Variants in THOC1 observed in about 807,000 individuals in gnomAD.
THOC1 encodes the protein THO complex 1.
THOC1 carries 29 observed loss-of-function variants against 97.3 expected under a neutral mutation model. The observed-to-expected ratio is 0.30, with a 90% CI of 0.22 to 0.41. The LOEUF is 0.41. THOC1 is among the 10% of genes least tolerant of loss of function. The pLI is 1.00. For synonymous variants in THOC1, 255 were observed against 257.0 expected (o/e 0.99, Z 0.07); for missense variants, 529 against 761.9 (o/e 0.69, Z 3.60).
At position 259,616 on chromosome 18, in the gene THOC1, C is replaced by T. The variant is rs1912541485; in HGVS notation, c.424+66G>A. ...AAAATGTTATCACTGGTATTTAATT[C>T]AACCATGTGTTTTTCTGGGCATATT... On this transcript the variant is annotated intron_variant, in intron 6 of 20. Transcript: ENST00000261600. The T allele has an allele frequency of 1.1e-5, 13 of 1,184,590 alleles. 1 individual carries two copies. In the South Asian group the frequency reaches 1.9e-4, roughly 17 times the overall value. 73.4% of individuals were successfully genotyped at this position (1,184,590 alleles called of 1,614,324 possible).
intron 19 of THOC1, 88 bp downstream of exon 19, chr18:216,398 A>G: frequency 1.4e-6 from 2 of 1,429,986 alleles, no homozygotes; most frequent in Non-Finnish European, 1.9e-6. Flanking sequence ...TTTTCACATG[A>G]TTAAGTCAGT....
chr18:225,811 A>G (rs1173566049), intron 12 of THOC1: 2 of 156,878 alleles, frequency 1.3e-5, no homozygotes, highest in Admixed American at 1.3e-4. Context: ...AAACCCTAGA[A>G]AAGGCAACAG....
chr18:251,162 T>C (rs975149455), intron 9 of THOC1, among the ~76,000 whole-genome samples: 2 of 152,182 alleles, frequency 1.3e-5, no homozygotes, highest in Admixed American at 1.3e-4. Context: ...TAGGTGGCAT[T>C]ACTACATTTT....
In THOC1 at chr18:264,342, A is replaced by C. The variant is rs148282763; in HGVS notation, c.190-250T>G. ...ATCCAATGGTCTCAAGAAAATGGTT[A>C]TATTAGCAAGATGAAGGCTATAAGC... On this transcript the variant is annotated intron_variant, in intron 3 of 20. Transcript: ENST00000261600. 0.015 allele frequency among the ~76,000 whole-genome samples: 2,220 copies of C among 152,376 alleles called. 20 individuals are homozygous for C. Among genetic ancestry groups the C allele is most frequent in the South Asian group, 0.021 (101 of 4,828 alleles).
intron 9 of THOC1, among the ~76,000 whole-genome samples, chr18:251,110 T>C (rs750631362): frequency 6.6e-6 from 1 of 152,250 alleles, no homozygotes; most frequent in Non-Finnish European, 1.5e-5. Flanking sequence ...TAATAGACTA[T>C]TTCTGATCAT....
intron 4 of THOC1, chr18:260,969 G>A (rs543584571): frequency 9.2e-4 from 140 of 152,200 alleles, no homozygotes; most frequent in African/African-American, 3.3e-3. Context: ...AAAAGTAGAG[G>A]AATTAAGAGT....
At chr18:227,211 A>G (rs1911320320) in intron 11 of THOC1, among the ~76,000 whole-genome samples, 1 of 152,192 alleles carries the variant, frequency 6.6e-6, no homozygotes, top group Non-Finnish European at 1.5e-5. Flanking sequence ...GCATGGTGGC[A>G]CAAAGCCTAT....
chr18:264,820 A>G (rs1912712886), intron 3 of THOC1: 1 of 152,950 alleles, frequency 6.5e-6, no homozygotes, highest in African/African-American at 2.4e-5. Flanking sequence ...GTGCCCCATT[A>G]TTGGTAAACA....
rs753991890 is a variant in THOC1 at position 214,790 on chromosome 18, A to C, written c.1810T>G (p.Cys604Gly). ...MKDSEIRQIE[C>G]DSEDMKMRAK... ...CTCATCTTCATGTCTTCACTGTCACACTCAATCTGCCTAATTTCTGAGTCT... is the reference window on the plus strand; with the variant it reads ...CTCATCTTCATGTCTTCACTGTCACCCTCAATCTGCCTAATTTCTGAGTCT... The change falls in exon 21 of 21, where the codon TGT becomes GGT. Residue 604 changes from cysteine (C) to glycine (G), a missense_variant. By Grantham distance (159) the Cys-to-Gly change is radical. Around this residue, in one of 8 missense-constraint regions of THOC1, gnomAD observed 98 missense variants for 111.9 expected, o/e 0.88. Transcript: ENST00000261600. The C allele has an allele frequency of 6.2e-7, 1 of 1,613,834 alleles. No homozygotes were observed. Among genetic ancestry groups the C allele is most frequent in the Non-Finnish European group, 8.5e-7 (1 of 1,179,858 alleles).
At chr18:256,796 A>G (rs538536055) in intron 7 of THOC1, among the ~76,000 whole-genome samples, 3 of 152,212 alleles carry the variant, frequency 2.0e-5, no homozygotes, top group Admixed American at 2.0e-4. Flanking sequence ...AGATGCTACC[A>G]AACAGCATCA....
rs550451671 is a variant in THOC1, at chr18:215,624, C to G, written c.1603-120G>C. 3.2e-5 allele frequency: 23 copies of G among 713,356 alleles called. No homozygotes were observed. The African/African-American group carries it at 4.1e-4, about 13-fold the overall frequency. The allele number at this position is 713,356 out of a possible 1,614,324, so 44.2% of individuals were successfully genotyped here. On this transcript the variant is annotated intron_variant, in intron 19 of 20. Coordinates refer to ENST00000261600, the MANE Select transcript of THOC1 (RefSeq NM_005131.3). ...AGTACAGGGTGCCAGAACCTCACCC[C>G]TGAGAGCGTTAAATGACAGTGTCAG... is the stretch of plus-strand genomic sequence containing the variant.
intron 16 of THOC1, 73 bp downstream of exon 16, chr18:224,011 A>T: frequency 9.2e-7 from 1 of 1,083,756 alleles, no homozygotes; most frequent in Non-Finnish European, 1.4e-6. Flanking sequence ...TTTTGGATGG[A>T]GAGTTCTTAA....
chr18:214,726 C>A lies in THOC1; in HGVS notation c.1874G>T (p.Gly625Val). 1 of 1,613,902 alleles carries A rather than the reference C, an allele frequency of 6.2e-7. No individual in the cohort carries two copies. Among genetic ancestry groups the A allele is most frequent in the Non-Finnish European group, 8.5e-7 (1 of 1,179,832 alleles). The part of the protein sequence containing the change: ...QLLVAWQDQE[G>V]VHATPENLIN... ...CAGATTCTCAGGTGTTGCATGAACT[C>A]CCTCTTGATCTTGCCAGGCAACCAG... Residue 625 changes from glycine (G) to valine (V), a missense_variant, in exon 21 of 21, where the codon GGA becomes GTA. Around this residue, in one of 8 missense-constraint regions of THOC1, gnomAD observed 98 missense variants for 111.9 expected, o/e 0.88. Transcript: ENST00000261600.
chr18:254,131 T>C lies in THOC1; in HGVS notation c.603+142A>G, dbSNP rs1037083260. On this transcript the variant is annotated intron_variant, in intron 8 of 20. Coordinates refer to ENST00000261600, the MANE Select transcript of THOC1 (RefSeq NM_005131.3). The surrounding 1 kb of genome is among the most constrained non-coding windows in gnomAD (Gnocchi z 4.1). ...TTTGCCATGTTGTCCAGGCTGGTCTTGAACTCCTAGGCTCAAGCGATCTGC... is the reference window on the plus strand; with the variant it reads ...TTTGCCATGTTGTCCAGGCTGGTCTCGAACTCCTAGGCTCAAGCGATCTGC... 4.9e-6 allele frequency: 3 copies of C among 613,482 alleles called. No individual in the cohort carries two copies. Among genetic ancestry groups the C allele is most frequent in the African/African-American group, 3.7e-5 (2 of 54,012 alleles). The allele number at this position is 613,482 out of a possible 1,614,324, so 38.0% of individuals were successfully genotyped here.
intron 11 of THOC1, among the ~76,000 whole-genome samples, chr18:230,345 T>A (rs962704766): frequency 1.3e-5 from 2 of 152,188 alleles, no homozygotes; most frequent in African/African-American, 4.8e-5. Context: ...GTTCAATACA[T>A]CTGGAGTAGA....
chr18:249,794 C>A (rs1432291070), intron 9 of THOC1, among the ~76,000 whole-genome samples: 5 of 152,138 alleles, frequency 3.3e-5, no homozygotes, highest in Non-Finnish European at 7.4e-5. Flanking sequence ...TAGTTCCATA[C>A]ATTTGATAAA....
intron 11 of THOC1, among the ~76,000 whole-genome samples, chr18:229,566 C>A (rs924677518): frequency 1.3e-5 from 2 of 151,880 alleles, no homozygotes; most frequent in African/African-American, 4.8e-5. Flanking sequence ...CCCTGTAATT[C>A]CAGCTACTCT....
chr18:226,725 A>G (rs1288302350), intron 12 of THOC1, 76 bp downstream of exon 12: 19 of 1,084,796 alleles, frequency 1.8e-5, no homozygotes, highest in Non-Finnish European at 2.6e-5. Flanking sequence ...GGACACATAC[A>G]TAAGAAAAAT....
chr18:258,144 A>T (rs1162634182), intron 7 of THOC1, among the ~76,000 whole-genome samples: 5 of 152,150 alleles, frequency 3.3e-5, no homozygotes. Flanking sequence ...TCAAGAAGTG[A>T]GACTGACATC....
Sources: gnomAD v4.1 joint callset for allele counts (sites outside exome capture counted in the v4.1 genomes callset) on GRCh38, gnomAD v4.1.1 for gene constraint, gnomAD v4.1.1 regional missense constraint, Gnocchi (gnomAD v3.1) non-coding constraint, MANE v1.5 for transcripts, NCBI Gene and HGNC (gene_info 2026-07-23, HGNC 2026-07-21) for gene names.